ATP6V1E1: variants seen among roughly 807,000 people sequenced by gnomAD.
The protein encoded by ATP6V1E1 is V-type proton ATPase subunit E 1.
In ATP6V1E1, 21 loss-of-function variants were observed where a neutral mutation model predicts 35.2. The ratio of observed to expected loss-of-function variants is 0.60; its 90% CI spans 0.42 to 0.86. The LOEUF (loss-of-function observed/expected upper bound fraction) is 0.86. Ranked by LOEUF, ATP6V1E1 falls within the 40% of genes least tolerant of loss-of-function variation. The probability of loss-of-function intolerance (pLI) is 0.00; values close to 1 mark genes in which losing one functional copy is unlikely to be tolerated. For missense variants in ATP6V1E1, 183 were observed against 272.6 expected, an observed-to-expected ratio of 0.67 and a Z score of 2.32; for synonymous variants, 83 against 87.8, an observed-to-expected ratio of 0.95 and a Z score of 0.30.
intron 4 of ATP6V1E1, among the ~76,000 whole-genome samples, chr22:17,605,658 AT>A (rs1409994160): frequency 7.0e-6 from 1 of 143,360 alleles, no homozygotes; most frequent in African/African-American, 2.6e-5. Context: ...AGGTGATCTA[AT>A]TTTTTTCTAA....
intron 1 of ATP6V1E1, among the ~76,000 whole-genome samples, chr22:17,627,553 T>G (rs2057920021): frequency 6.6e-6 from 1 of 151,598 alleles, no homozygotes; most frequent in Admixed American, 6.6e-5. Context: ...GCGCGTTGGC[T>G]CATGCCTGTA....
intron 4 of ATP6V1E1, among the ~76,000 whole-genome samples, chr22:17,604,868 T>C (rs1191289722): frequency 6.6e-6 from 1 of 152,020 alleles, no homozygotes; most frequent in Non-Finnish European, 1.5e-5. Flanking sequence ...AAATCTCCAC[T>C]TCAGTACCAA....
intron 4 of ATP6V1E1, among the ~76,000 whole-genome samples, chr22:17,611,946 G>T (rs1429435255): frequency 6.6e-6 from 1 of 152,146 alleles, no homozygotes; most frequent in Admixed American, 6.6e-5. Context: ...CTTACTCCTA[G>T]TAATTTAATA....
At chr22:17,621,618 T>C (rs532579964) in intron 1 of ATP6V1E1, among the ~76,000 whole-genome samples, 40 of 152,302 alleles carry the variant, frequency 2.6e-4, no homozygotes, top group African/African-American at 8.2e-4. Context: ...TCAAGCATCA[T>C]ATGAAACAAC....
chr22:17,622,692 A>G (rs2146317583), intron 1 of ATP6V1E1, among the ~76,000 whole-genome samples: 1 of 152,294 alleles, frequency 6.6e-6, no homozygotes, highest in Non-Finnish European at 1.5e-5. Flanking sequence ...CTGCCTGGGT[A>G]TGGTGGCTCA....
intron 4 of ATP6V1E1, among the ~76,000 whole-genome samples, chr22:17,610,395 C>G (rs748324002): frequency 5.9e-5 from 9 of 152,026 alleles, no homozygotes; most frequent in Non-Finnish European, 1.3e-4. Flanking sequence ...GTCGGTATAC[C>G]ATCTAAGGCA....
chr22:17,626,615 T>G (rs896050257), intron 1 of ATP6V1E1, among the ~76,000 whole-genome samples: 1 of 150,550 alleles, frequency 6.6e-6, no homozygotes, highest in Non-Finnish European at 1.5e-5. Flanking sequence ...CACCATAACC[T>G]CCACCTCCCG....
At chr22:17,597,223 C>CA (rs1474081394) in intron 7 of ATP6V1E1, among the ~76,000 whole-genome samples, 1 of 149,172 alleles carries the variant, frequency 6.7e-6, no homozygotes, top group Non-Finnish European at 1.5e-5. Flanking sequence ...GCCTGGGTGA[C>CA]AGAGTGAGAC....
chr22:17,621,106 C>T (rs114236602), intron 1 of ATP6V1E1, among the ~76,000 whole-genome samples: 1,703 of 152,062 alleles, frequency 0.011, 17 homozygotes, highest in African/African-American at 0.034. Flanking sequence ...GCTCCATCAT[C>T]GGAGGGACTA....
At position 17,620,605 on chromosome 22, in the gene ATP6V1E1, A is replaced by G. The variant is rs558940955; in HGVS notation, c.34-1079T>C. Among the ~76,000 whole-genome samples, 96 of 152,152 alleles carry G rather than the reference A, an allele frequency of 6.3e-4. 2 individuals are homozygous for G. The South Asian group carries it at 0.02, about 31-fold the overall frequency. On this transcript the variant is annotated intron_variant, in intron 1 of 8. Coordinates refer to ENST00000253413, the MANE Select transcript of ATP6V1E1 (RefSeq NM_001696.4). Reference sequence around the variant, plus strand: ...TCTTTTTGAACATCCTACTCATAGTAATTTAAATTCAACACATTCAATACT... The same window carrying G: ...TCTTTTTGAACATCCTACTCATAGTGATTTAAATTCAACACATTCAATACT...
chr22:17,605,815 G>T (rs934732646), intron 4 of ATP6V1E1, among the ~76,000 whole-genome samples: 1 of 146,580 alleles, frequency 6.8e-6, no homozygotes, highest in East Asian at 2.1e-4. Context: ...ACACCACCAC[G>T]CCTGGCTACA....
rs572509435 is a variant in ATP6V1E1 at position 17,601,376 on chromosome 22, G to A, written c.277-195C>T. 2.4e-4 allele frequency among the ~76,000 whole-genome samples: 37 copies of A among 152,268 alleles called. No individual in the cohort carries two copies. The South Asian group carries it at 6.0e-3, about 25-fold the overall frequency. The stretch of plus-strand genomic sequence containing the variant: ...CAAGGAAGCATGTAACACCGTCTCT[G>A]CTCCCAGGGAGTCCACGGCCTAGCA... On this transcript the variant is annotated intron_variant, in intron 4 of 8. Transcript: ENST00000253413.
intron 4 of ATP6V1E1, among the ~76,000 whole-genome samples, chr22:17,609,464 CTTTTTTTT>C (rs61116267): frequency 3.3e-5 from 3 of 90,710 alleles, no homozygotes; most frequent in Non-Finnish European, 6.3e-5. Flanking sequence ...CCATCCTGCT[CTTTTTTTT>C]TTTTTTTTTT....
chr22:17,613,229 A>G lies in ATP6V1E1; in HGVS notation c.191T>C (p.Ile64Thr), dbSNP rs763836312. The G allele has an allele frequency of 3.1e-6, 5 of 1,611,838 alleles. No individual in the cohort carries two copies. Among genetic ancestry groups the G allele is most frequent in the Admixed American group, 1.7e-5 (1 of 59,664 alleles). The change falls in exon 3 of 9, where the codon ATT becomes ACT. Residue 64 changes from isoleucine (I) to threonine (T), a missense_variant. Coordinates refer to ENST00000253413, the MANE Select transcript of ATP6V1E1 (RefSeq NM_001696.4). ...MEYYEKKEKQ[I>T]EQQKKIQMSN... ...TACTTACATTTTCTTCTGCTGCTCA[A>G]TCTGTTTCTCTTTCTTCTCATAATA...
At chr22:17,606,883 CG>C (rs2057789467) in intron 4 of ATP6V1E1, among the ~76,000 whole-genome samples, 1 of 152,196 alleles carries the variant, frequency 6.6e-6, no homozygotes, top group South Asian at 2.1e-4. Context: ...TTGAGTTTGC[CG>C]TTCCCTTGGC....
intron 2 of ATP6V1E1, 45 bp downstream of exon 2, chr22:17,619,416 T>C: frequency 2.0e-6 from 3 of 1,520,748 alleles, no homozygotes; most frequent in South Asian, 2.4e-5. Flanking sequence ...AGCAAAACAA[T>C]ATGGAAACCT....
intron 1 of ATP6V1E1, among the ~76,000 whole-genome samples, chr22:17,624,574 T>C (rs1229173070): frequency 3.3e-5 from 5 of 149,972 alleles, no homozygotes; most frequent in South Asian, 2.1e-4. Flanking sequence ...AAATAACTCA[T>C]GCGCAGTGGC....
chr22:17,623,059 ACTTTT>A (rs2057886021), intron 1 of ATP6V1E1, among the ~76,000 whole-genome samples: 1 of 152,134 alleles, frequency 6.6e-6, no homozygotes, highest in South Asian at 2.1e-4. Flanking sequence ...GAGCCACCCT[ACTTTT>A]CTTTTTTTTC....
chr22:17,594,668 T>C (rs376802684), intron 7 of ATP6V1E1, 52 bp from the exon 8 acceptor site: 6 of 1,433,624 alleles, frequency 4.2e-6, no homozygotes, highest in South Asian at 1.3e-5. Context: ...TTGAGAAAGA[T>C]ACATGGTACC....
Sources: gnomAD v4.1 joint callset for allele counts (sites outside exome capture counted in the v4.1 genomes callset) on GRCh38, gnomAD v4.1.1 for gene constraint, MANE v1.5 for transcripts, NCBI Gene and HGNC (gene_info 2026-07-23, HGNC 2026-07-21) for gene names.